FRMD5: variants seen among roughly 807,000 people sequenced by gnomAD.
The protein encoded by FRMD5 is FERM domain-containing protein 5.
Under a neutral mutation model 69.0 loss-of-function variants are expected in FRMD5, and 20 were observed. That is an observed-to-expected ratio of 0.29 (90% CI 0.20 to 0.42). The LOEUF is 0.42. Among genes scored for constraint, FRMD5 ranks in the 10% least tolerant of loss-of-function variants. The pLI is 1.00. For synonymous variants in FRMD5, 271 were observed against 260.1 expected, an observed-to-expected ratio of 1.04 and a Z score of -0.40; for missense variants, 595 against 708.6, an observed-to-expected ratio of 0.84 and a Z score of 1.82.
At chr15:44,090,233 C>T (rs1330395545) in intron 1 of FRMD5, among the ~76,000 whole-genome samples, 3 of 152,130 alleles carry the variant, frequency 2.0e-5, no homozygotes, top group Non-Finnish European at 4.4e-5. Context: ...TATTTAATCT[C>T]CTAGATCCTC....
intron 1 of FRMD5, among the ~76,000 whole-genome samples, chr15:44,015,253 A>C (rs1465601612): frequency 6.6e-6 from 1 of 151,852 alleles, no homozygotes; most frequent in Non-Finnish European, 1.5e-5. Flanking sequence ...CTCCTGCCTC[A>C]GCTTCTTGAG....
At chr15:43,996,867 T>A (rs1431314909) in intron 1 of FRMD5, among the ~76,000 whole-genome samples, 2 of 152,122 alleles carry the variant, frequency 1.3e-5, no homozygotes, top group African/African-American at 4.8e-5. Context: ...GATCCCCAGA[T>A]GATTCATTTT....
At chr15:44,191,209 T>C (rs899613760) in intron 1 of FRMD5, among the ~76,000 whole-genome samples, 1 of 152,222 alleles carries the variant, frequency 6.6e-6, no homozygotes, top group African/African-American at 2.4e-5. Flanking sequence ...TGAAAATAGG[T>C]ATTTTTTCAA....
At chr15:43,970,394 C>T (rs1334090146) in intron 1 of FRMD5, among the ~76,000 whole-genome samples, 1 of 152,110 alleles carries the variant, frequency 6.6e-6, no homozygotes, top group Non-Finnish European at 1.5e-5. Context: ...TAGTTTATGC[C>T]CTCTCTCGCT....
chr15:44,170,315 C>A (rs2077778814), intron 1 of FRMD5, among the ~76,000 whole-genome samples: 1 of 152,066 alleles, frequency 6.6e-6, no homozygotes, highest in Non-Finnish European at 1.5e-5. Context: ...CTGAGGTCGG[C>A]AGTTCGAGAC....
rs751149600 is a variant in FRMD5 at position 43,902,058 on chromosome 15, G to A, written c.639+117C>T. Reference sequence around the variant, plus strand: ...CAGGCATTTTCTCTGATATCTCACTGAAAGTGCCAGCCATGTAAACGTTGA... The same window carrying A: ...CAGGCATTTTCTCTGATATCTCACTAAAAGTGCCAGCCATGTAAACGTTGA... On this transcript the variant is annotated intron_variant, in intron 7 of 13. Transcript: ENST00000417257. 6 of 731,874 alleles carry A rather than the reference G, an allele frequency of 8.2e-6. No homozygotes were observed. The Admixed American group carries it at 1.1e-4, about 14-fold the overall frequency. The allele number at this position is 731,874 out of a possible 1,614,324, so 45.3% of individuals were successfully genotyped here.
rs1595466201 is a variant in FRMD5 at position 43,874,610 on chromosome 15, A to C, written c.1136-148T>G. 6.2e-6 allele frequency: 4 copies of C among 643,122 alleles called. No individual in the cohort carries two copies. In the South Asian group the frequency reaches 7.3e-5, roughly 12 times the overall value. The allele number at this position is 643,122 out of a possible 1,614,324, so 39.8% of individuals were successfully genotyped here. A position where few individuals can be genotyped will look rare whatever the true frequency, so the allele number is the denominator to read the frequency against. On this transcript the variant is annotated intron_variant, in intron 13 of 13. Transcript: ENST00000417257. ...TGCACTCTATTTTGATATATCGAGA[A>C]GACGACAGGCCGGGTATGGTGGCTT...
chr15:44,061,431 T>G (rs1490816469), intron 1 of FRMD5, among the ~76,000 whole-genome samples: 1 of 152,202 alleles, frequency 6.6e-6, no homozygotes, highest in Non-Finnish European at 1.5e-5. Context: ...TCTCCCAAGC[T>G]TCACCAAGAT....
intron 7 of FRMD5, chr15:43,901,872 G>C (rs975467788): frequency 2.9e-6 from 1 of 349,422 alleles, no homozygotes; most frequent in Non-Finnish European, 5.3e-6. Context: ...CGTTCTCTGT[G>C]GGGGGCCTTC....
Position 43,950,606 on chromosome 15 carries a change from A to C in FRMD5, c.103-26297T>G, listed in dbSNP as rs576954288. Reference sequence around the variant, plus strand: ...CCTCAGTTTCACCTGCAGCTCCTAAATAATGTGGGCAGAGGCCAAGCGTTC... The same window carrying C: ...CCTCAGTTTCACCTGCAGCTCCTAACTAATGTGGGCAGAGGCCAAGCGTTC... On this transcript the variant is annotated intron_variant, in intron 1 of 13. Transcript: ENST00000417257. Among the ~76,000 whole-genome samples the C allele has an allele frequency of 2.0e-4, 31 of 152,292 alleles. No individual in the cohort carries two copies. The East Asian group carries it at 5.8e-3, about 28-fold the overall frequency.
intron 1 of FRMD5, among the ~76,000 whole-genome samples, chr15:44,161,715 T>A (rs1382136070): frequency 6.6e-6 from 1 of 152,170 alleles, no homozygotes; most frequent in Non-Finnish European, 1.5e-5. Flanking sequence ...GCAGCTGACC[T>A]CATCTACCTC....
At chr15:43,886,087 C>A (rs1293993697) in intron 10 of FRMD5, among the ~76,000 whole-genome samples, 2 of 152,214 alleles carry the variant, frequency 1.3e-5, no homozygotes, top group African/African-American at 2.4e-5. Context: ...GAATGCCCAT[C>A]TAATCTCAGC....
rs746382213 is a variant in FRMD5, at chr15:43,872,495, A to G, written c.*1390T>C. On this transcript the variant is annotated 3_prime_UTR_variant, in exon 14 of 14. Coordinates refer to ENST00000417257, the MANE Select transcript of FRMD5 (RefSeq NM_032892.5). ...GGATCTTGTGTGTGATTGGTTTTAGAGTTGAAGAGCTTGGGCCTAGGATCC... is the reference window on the plus strand; with the variant it reads ...GGATCTTGTGTGTGATTGGTTTTAGGGTTGAAGAGCTTGGGCCTAGGATCC... 2.6e-5 allele frequency: 4 copies of G among 152,222 alleles called. No homozygotes were observed. The highest frequency in any genetic ancestry group is 4.4e-5 in the Non-Finnish European group (3 of 68,064). The allele number at this position is 152,222 out of a possible 1,614,324, so 9.4% of individuals were successfully genotyped here. A position where few individuals can be genotyped will look rare whatever the true frequency, so the allele number is the denominator to read the frequency against.
chr15:43,974,016 C>CT (rs1297501201), intron 1 of FRMD5, among the ~76,000 whole-genome samples: 349 of 141,040 alleles, frequency 2.5e-3, no homozygotes, highest in Middle Eastern at 0.011. Flanking sequence ...ATCAAATTAA[C>CT]TTTTTTTTTT....
chr15:43,875,158 C>T (rs990396593), intron 13 of FRMD5, among the ~76,000 whole-genome samples: 2 of 151,836 alleles, frequency 1.3e-5, no homozygotes, highest in Non-Finnish European at 2.9e-5. Context: ...GATCGTGCCA[C>T]TGCACTCCAG....
chr15:43,881,089 C>G (rs1183315574), intron 13 of FRMD5, among the ~76,000 whole-genome samples: 1 of 152,194 alleles, frequency 6.6e-6, no homozygotes, highest in Admixed American at 6.5e-5. Flanking sequence ...TGCTGGTTTC[C>G]TGGACATTCT....
chr15:44,164,094 C>CT (rs141217457), intron 1 of FRMD5, among the ~76,000 whole-genome samples: 2,622 of 152,302 alleles, frequency 0.017, 41 homozygotes, highest in Non-Finnish European at 0.026. Context: ...CAATCCTCAT[C>CT]TGTTCTTTCC....
chr15:43,969,089 C>CTTT (rs767527729), intron 1 of FRMD5, among the ~76,000 whole-genome samples: 2 of 137,296 alleles, frequency 1.5e-5, no homozygotes, highest in African/African-American at 2.7e-5. Context: ...TGCCTTCATT[C>CTTT]TTTTTTTTTT....
At chr15:44,098,087 A>C (rs568837264) in intron 1 of FRMD5, among the ~76,000 whole-genome samples, 1 of 150,030 alleles carries the variant, frequency 6.7e-6, no homozygotes, top group Non-Finnish European at 1.5e-5. Context: ...AAGTAATGCC[A>C]TGCTCCCAAA....
Sources: allele counts gnomAD v4.1 joint callset (sites outside exome capture counted in the v4.1 genomes callset), GRCh38; gene constraint gnomAD v4.1.1; transcripts MANE v1.5; gene names NCBI Gene and HGNC (gene_info 2026-07-23, HGNC 2026-07-21).